RAD50: variants seen among roughly 807,000 people sequenced by gnomAD.
The protein encoded by RAD50 is DNA repair protein RAD50.
A neutral mutation model predicts 168.8 loss-of-function variants in RAD50; 132 were observed. That is an observed-to-expected ratio of 0.78 (90% CI 0.68 to 0.90). The LOEUF is 0.90. Among genes scored for constraint, RAD50 ranks in the 40% least tolerant of loss-of-function variants. The pLI, the probability that RAD50 is intolerant of heterozygous loss-of-function variation, is 0.00. For synonymous variants in RAD50, 525 were observed against 497.4 expected, an observed-to-expected ratio of 1.06 and a Z score of -0.74; for missense variants, 1,347 against 1,534.4, an observed-to-expected ratio of 0.88 and a Z score of 2.04.
At chr5:132,597,056 T>C (rs980025717) in intron 13 of RAD50, among the ~76,000 whole-genome samples, 5 of 152,184 alleles carry the variant, frequency 3.3e-5, no homozygotes, top group African/African-American at 9.7e-5. Context: ...GTAACTCTGA[T>C]AGGTGATGAG....
chr5:132,645,146 T>C lies in RAD50; in HGVS notation c.*2782T>C, dbSNP rs915102872. On this transcript the variant is annotated 3_prime_UTR_variant, in exon 25 of 25. Transcript: ENST00000378823. ...CTCCAAAATCTCAGTTTTAAGCATCTCACTCTCCAATAACCCCATGGTGTC... is the reference window on the plus strand; with the variant it reads ...CTCCAAAATCTCAGTTTTAAGCATCCCACTCTCCAATAACCCCATGGTGTC... 1 of 152,238 alleles carries C rather than the reference T, an allele frequency of 6.6e-6. No individual in the cohort carries two copies. Among genetic ancestry groups the C allele is most frequent in the African/African-American group, 2.4e-5 (1 of 41,456 alleles). The allele number at this position is 152,238 out of a possible 1,614,324, so 9.4% of individuals were successfully genotyped here.
intron 21 of RAD50, among the ~76,000 whole-genome samples, chr5:132,635,708 A>G (rs2149861997): frequency 6.6e-6 from 1 of 152,340 alleles, no homozygotes; most frequent in East Asian, 1.9e-4. Flanking sequence ...TTGAATGGAA[A>G]GATAACTTTT....
intron 20 of RAD50, among the ~76,000 whole-genome samples, chr5:132,616,373 T>C (rs1003205398): frequency 1.3e-5 from 2 of 152,206 alleles, no homozygotes; most frequent in Non-Finnish European, 2.9e-5. Context: ...GTATTGAACA[T>C]GCTTAGTCCC....
intron 21 of RAD50, among the ~76,000 whole-genome samples, chr5:132,632,975 A>G (rs945463529): frequency 2.0e-5 from 3 of 151,968 alleles, no homozygotes; most frequent in Non-Finnish European, 4.4e-5. Flanking sequence ...CAGTTTTTCT[A>G]CTAGGTTGTC....
intron 1 of RAD50, among the ~76,000 whole-genome samples, chr5:132,558,609 G>A (rs1392757573): frequency 1.3e-5 from 2 of 151,842 alleles, no homozygotes; most frequent in Non-Finnish European, 2.9e-5. Context: ...TACTGGGGAG[G>A]CCGAGGCGGG....
intron 21 of RAD50, among the ~76,000 whole-genome samples, chr5:132,630,258 G>A (rs1751440838): frequency 6.6e-6 from 1 of 152,096 alleles, no homozygotes; most frequent in African/African-American, 2.4e-5. Flanking sequence ...TGGCCAGGAT[G>A]GTCTTGATCT....
chr5:132,603,902 T>A lies in RAD50; in HGVS notation c.2398-18T>A, dbSNP rs1291943312. On this transcript the variant is annotated intron_variant, in intron 14 of 24. Transcript: ENST00000378823. The stretch of plus-strand genomic sequence containing the variant: ...GCAGTAAGTTTATTAAAGGAAATCA[T>A]TTTGTTATATTCTTAAGATGGAACT... 2 of 1,569,972 alleles carry A rather than the reference T, an allele frequency of 1.3e-6. No homozygotes were observed. The highest frequency in any genetic ancestry group is 1.8e-6 in the Non-Finnish European group (2 of 1,142,372).
At chr5:132,575,650 A>G in intron 2 of RAD50, 127 bp from the exon 3 acceptor site, 1 of 852,706 alleles carries the variant, frequency 1.2e-6, no homozygotes, top group South Asian at 1.5e-5. Flanking sequence ...ATGTAAAAAT[A>G]TCACTCATTT....
At chr5:132,577,771 C>G (rs1750423786) in intron 3 of RAD50, among the ~76,000 whole-genome samples, 1 of 150,978 alleles carries the variant, frequency 6.6e-6, no homozygotes. Context: ...GTTTCCAGAC[C>G]CATTTACCCA....
chr5:132,573,599 TC>T (rs1328450096), intron 2 of RAD50, among the ~76,000 whole-genome samples: 9 of 152,092 alleles, frequency 5.9e-5, no homozygotes, highest in African/African-American at 2.2e-4. Context: ...AATCATGCCT[TC>T]CCAACAGTCC....
rs772266984 is a variant in RAD50, at chr5:132,559,329, C to T, written c.175C>T (p.Pro59Ser). 1.2e-6 allele frequency: 2 copies of T among 1,608,512 alleles called. No individual in the cohort carries two copies. Among genetic ancestry groups the T allele is most frequent in the Non-Finnish European group, 1.7e-6 (2 of 1,177,148 alleles). The change falls in exon 2 of 25, where the codon CCT becomes TCT. Residue 59 changes from proline (P) to serine (S), a missense_variant. Coordinates refer to ENST00000378823, the MANE Select transcript of RAD50 (RefSeq NM_005732.4). ...LKYICTGDFP[P>S]GTKGNTFVHD... ...ATATATTTGTACTGGAGATTTCCCTCCTGGAACCAAAGGAAATACATTTGT... is the reference window on the plus strand; with the variant it reads ...ATATATTTGTACTGGAGATTTCCCTTCTGGAACCAAAGGAAATACATTTGT...
Position 132,644,368 on chromosome 5 carries a change from A to G in RAD50, c.*2004A>G, listed in dbSNP as rs1751805949. 1 of 171,344 alleles carries G rather than the reference A, an allele frequency of 5.8e-6. No individual in the cohort carries two copies. The highest frequency in any genetic ancestry group is 1.3e-5 in the Non-Finnish European group (1 of 79,020). 10.6% of individuals were successfully genotyped at this position (171,344 alleles called of 1,614,324 possible). On this transcript the variant is annotated 3_prime_UTR_variant, in exon 25 of 25. Coordinates refer to ENST00000378823, the MANE Select transcript of RAD50 (RefSeq NM_005732.4). The stretch of plus-strand genomic sequence containing the variant: ...CTTCCCCACATTGGAATGAATAGCC[A>G]TCACAGCATGGATGGAGGTTAGAAT...
intron 21 of RAD50, among the ~76,000 whole-genome samples, chr5:132,619,828 C>CTG (rs1561651594): frequency 3.7e-4 from 46 of 124,238 alleles, no homozygotes; most frequent in African/African-American, 1.4e-3. Context: ...CTCTCTCTCT[C>CTG]TCTCTCTCTA....
At chr5:132,617,374 T>G (rs2106984) in intron 20 of RAD50, among the ~76,000 whole-genome samples, 2 of 151,984 alleles carry the variant, frequency 1.3e-5, no homozygotes, top group African/African-American at 4.8e-5. Context: ...CCAACAAGAC[T>G]TGTAATCCAG....
intron 16 of RAD50, among the ~76,000 whole-genome samples, chr5:132,605,442 T>C (rs1750968178): frequency 6.6e-6 from 1 of 151,936 alleles, no homozygotes; most frequent in Admixed American, 6.6e-5. Flanking sequence ...CCTCCTGAGC[T>C]CAAGCAATCC....
intron 23 of RAD50, 96 bp from the exon 24 acceptor site, chr5:132,640,576 C>G (rs1374100119): frequency 6.4e-7 from 1 of 1,553,794 alleles, no homozygotes; most frequent in Non-Finnish European, 8.9e-7. Flanking sequence ...TGACGTTTCC[C>G]ACTTTTCCCT....
intron 2 of RAD50, among the ~76,000 whole-genome samples, chr5:132,569,683 ATT>A (rs35190034): frequency 6.6e-6 from 1 of 152,208 alleles, no homozygotes; most frequent in Non-Finnish European, 1.5e-5. Flanking sequence ...AATACACTTT[ATT>A]TTCAAGTGCA....
chr5:132,638,879 T>C (rs976490739), intron 23 of RAD50, among the ~76,000 whole-genome samples: 1 of 152,250 alleles, frequency 6.6e-6, no homozygotes, highest in Non-Finnish European at 1.5e-5. Flanking sequence ...GATCCTTCAC[T>C]GTGCACAGGT....
chr5:132,574,572 C>G (rs994278612), intron 2 of RAD50, among the ~76,000 whole-genome samples: 1 of 152,208 alleles, frequency 6.6e-6, no homozygotes, highest in Non-Finnish European at 1.5e-5. Context: ...TTCCTTGTTA[C>G]TTATGCAAAT....
Sources: allele counts gnomAD v4.1 joint callset (sites outside exome capture counted in the v4.1 genomes callset), GRCh38; gene constraint gnomAD v4.1.1; transcripts MANE v1.5; gene names NCBI Gene and HGNC (gene_info 2026-07-23, HGNC 2026-07-21).